ENTREP2: variants seen among roughly 807,000 people sequenced by gnomAD.
ENTREP2 encodes the protein endosomal transmembrane epsin interactor 2.
the ENTREP2 span, among the ~76,000 whole-genome samples, chr15:29,322,217 T>C: frequency 7.9e-5 from 12 of 152,192 alleles, no homozygotes; most frequent in African/African-American, 2.9e-4. Context: ...CATACATTGT[T>C]GAGGGGTTAA....
At chr15:29,531,927 A>G in the ENTREP2 span, among the ~76,000 whole-genome samples, 1 of 152,184 alleles carries the variant, frequency 6.6e-6, no homozygotes, top group African/African-American at 2.4e-5. Context: ...CTACTTCCCA[A>G]AGGGCTAGGA....
At chr15:29,343,074 A>G in the ENTREP2 span, among the ~76,000 whole-genome samples, 1 of 151,568 alleles carries the variant, frequency 6.6e-6, no homozygotes, top group Non-Finnish European at 1.5e-5. Context: ...CTCCAAATGC[A>G]TTGTGAAGTG....
chr15:29,390,990 C>T, the ENTREP2 span, among the ~76,000 whole-genome samples: 1,466 of 152,206 alleles, frequency 9.6e-3, 9 homozygotes, highest in Non-Finnish European at 0.015. Context: ...AGTCCACCAA[C>T]CCCCCATCTT....
the ENTREP2 span, among the ~76,000 whole-genome samples, chr15:29,335,804 A>G: frequency 6.6e-6 from 1 of 152,194 alleles, no homozygotes; most frequent in East Asian, 1.9e-4. Flanking sequence ...GGTTGTCTGT[A>G]CAGACTTCAA....
the ENTREP2 span, among the ~76,000 whole-genome samples, chr15:29,330,225 T>C: frequency 2.0e-5 from 3 of 150,638 alleles, no homozygotes; most frequent in Non-Finnish European, 4.4e-5. Flanking sequence ...GATCATGAGG[T>C]CAGGAGATGG....
At chr15:29,208,725 G>A in the ENTREP2 span, among the ~76,000 whole-genome samples, 1 of 152,160 alleles carries the variant, frequency 6.6e-6, no homozygotes, top group Admixed American at 6.5e-5. Flanking sequence ...CCCCTCTGGT[G>A]TAACCAACAG....
At chr15:29,296,783 G>C in the ENTREP2 span, among the ~76,000 whole-genome samples, 1 of 152,014 alleles carries the variant, frequency 6.6e-6, no homozygotes, top group Non-Finnish European at 1.5e-5. Context: ...GGAGAGAATT[G>C]GTCAAATCAG....
At chr15:29,556,509 C>T in the ENTREP2 span, among the ~76,000 whole-genome samples, 45 of 152,110 alleles carry the variant, frequency 3.0e-4, no homozygotes, top group Non-Finnish European at 4.4e-4. Context: ...TTAAATGTTT[C>T]CTTACTCATT....
chr15:29,221,369 T>G, the ENTREP2 span, among the ~76,000 whole-genome samples: 1 of 151,926 alleles, frequency 6.6e-6, no homozygotes, highest in African/African-American at 2.4e-5. Flanking sequence ...GCCCAGCTAA[T>G]TTTTGTATTT....
chr15:29,123,315 T>C, the ENTREP2 span: 4 of 1,487,176 alleles, frequency 2.7e-6, no homozygotes, highest in Middle Eastern at 1.8e-4. Context: ...GGCGTTGGTG[T>C]CCACGGTCAG....
At chr15:29,275,413 A>G in the ENTREP2 span, among the ~76,000 whole-genome samples, 2 of 152,370 alleles carry the variant, frequency 1.3e-5, no homozygotes, top group Non-Finnish European at 1.5e-5. Context: ...CACATGTTCA[A>G]TACATTCAGT....
At chr15:29,330,448 C>T in the ENTREP2 span, among the ~76,000 whole-genome samples, 3 of 151,632 alleles carry the variant, frequency 2.0e-5, no homozygotes, top group South Asian at 6.3e-4. Flanking sequence ...GACTCTGTCT[C>T]AAAAAAAATA....
chr15:29,656,037 A>C, the ENTREP2 span, among the ~76,000 whole-genome samples: 5 of 151,422 alleles, frequency 3.3e-5, no homozygotes, highest in East Asian at 7.8e-4. Context: ...AAAAAAAAAA[A>C]AAAAAACAAC....
the ENTREP2 span, among the ~76,000 whole-genome samples, chr15:29,287,847 T>G: frequency 6.6e-6 from 1 of 152,202 alleles, no homozygotes; most frequent in Admixed American, 6.5e-5. Context: ...TACCAAGTCT[T>G]ATTTATAAAT....
the ENTREP2 span, chr15:29,570,434 G>A: frequency 1.9e-6 from 2 of 1,033,852 alleles, no homozygotes; most frequent in Non-Finnish European, 2.4e-6. Context: ...GCGTCCCGGC[G>A]GCCGCAGCGC....
At chr15:29,636,201 G>T in the ENTREP2 span, among the ~76,000 whole-genome samples, 3 of 152,160 alleles carry the variant, frequency 2.0e-5, no homozygotes, top group Non-Finnish European at 2.9e-5. Flanking sequence ...CAATCTCGTC[G>T]CGTGTGGCCA....
At chr15:29,128,947 C>A in the ENTREP2 span, 1 of 879,266 alleles carries the variant, frequency 1.1e-6, no homozygotes. Context: ...GGCGCTTAAA[C>A]TTGTCTCCTG....
the ENTREP2 span, chr15:29,128,838 G>A: frequency 1.3e-4 from 204 of 1,550,710 alleles, no homozygotes; most frequent in Middle Eastern, 3.3e-4. Context: ...AGCTGGACTC[G>A]GCCACCTGCT....
At chr15:29,184,366 C>T in the ENTREP2 span, among the ~76,000 whole-genome samples, 34 of 152,292 alleles carry the variant, frequency 2.2e-4, no homozygotes, top group East Asian at 3.5e-3. Context: ...CTGAGGGCAC[C>T]GCTGGTCATT....
Sources: gnomAD v4.1 joint callset for allele counts (sites outside exome capture counted in the v4.1 genomes callset) on GRCh38, gnomAD v4.1.1 for gene constraint, MANE v1.5 for transcripts, NCBI Gene and HGNC (gene_info 2026-07-23, HGNC 2026-07-21) for gene names.